Variants in BLM observed in about 807,000 individuals in gnomAD.
BLM encodes recQ-like DNA helicase BLM.
In BLM, 95 loss-of-function variants were observed where a neutral mutation model predicts 135.3. The observed-to-expected ratio is 0.70, with a 90% confidence interval of 0.59 to 0.83. The LOEUF (loss-of-function observed/expected upper bound fraction) is 0.83, where lower values mean the gene tolerates loss of function less well. Ranked by LOEUF, BLM falls within the 40% of genes least tolerant of loss-of-function variation. The pLI is 0.00. For missense variants in BLM, 1,518 were observed against 1,663.9 expected (o/e 0.91, Z 1.53); for synonymous variants, 520 against 589.2 (o/e 0.88, Z 1.70).
At chr15:90,794,495 T>A in intron 16 of BLM, 138 bp downstream of exon 16, 1 of 643,240 alleles carries the variant, frequency 1.6e-6, no homozygotes, top group Admixed American at 3.5e-5. Context: ...AGTAGTAATT[T>A]GGAATGGAAA....
intron 1 of BLM, among the ~76,000 whole-genome samples, chr15:90,725,862 C>T (rs1236024676): frequency 6.6e-6 from 1 of 151,818 alleles, no homozygotes; most frequent in Non-Finnish European, 1.5e-5. Flanking sequence ...GTTTTATGTA[C>T]ATATAAACAT....
rs1897538950 is a variant in BLM at position 90,815,472 on chromosome 15, G to C, written c.*193G>C. 3 of 647,354 alleles carry C rather than the reference G, an allele frequency of 4.6e-6. No homozygotes were observed. Among genetic ancestry groups the C allele is most frequent in the Non-Finnish European group, 7.6e-6 (3 of 392,778 alleles). The allele number at this position is 647,354 out of a possible 1,614,324, so 40.1% of individuals were successfully genotyped here. On this transcript the variant is annotated 3_prime_UTR_variant, in exon 22 of 22. Coordinates refer to ENST00000355112, the MANE Select transcript of BLM (RefSeq NM_000057.4). This position sits in a 1 kb window ranked among gnomAD's most constrained non-coding sequence, Gnocchi z 4.6. ...TTCTTTTGAATAAGCATGTTTTGCT[G>C]CCGCTGCAAGTGTTGTGGCCGTTGT...
chr15:90,739,728 G>C (rs1389311708), intron 1 of BLM, among the ~76,000 whole-genome samples: 1 of 152,080 alleles, frequency 6.6e-6, no homozygotes, highest in Non-Finnish European at 1.5e-5. Flanking sequence ...TCTATTTCTT[G>C]TGGCATTTTA....
rs1896886266 is a variant in BLM, at chr15:90,790,773, A to T, written c.2948A>T (p.Asp983Val). ...CAAGAATCTGGCAGAGCTGGAAGAG[A>T]TGGGGAAATATCTCACTGCCTGCTT... ...YYQESGRAGR[D>V]GEISHCLLFY... Residue 983 changes from aspartate to valine, a missense_variant, in exon 15 of 22, where the codon GAT becomes GTT. By Grantham distance (152) the Asp-to-Val change is radical. Around this residue, in one of 5 missense-constraint regions of BLM, gnomAD observed 626 missense variants for 681.1 expected, o/e 0.92. Transcript: ENST00000355112. The T allele has an allele frequency of 2.5e-6, 4 of 1,614,126 alleles. No homozygotes were observed. Among genetic ancestry groups the T allele is most frequent in the Non-Finnish European group, 3.4e-6 (4 of 1,180,018 alleles).
intron 10 of BLM, among the ~76,000 whole-genome samples, chr15:90,767,226 T>G (rs1029546426): frequency 1.3e-4 from 20 of 152,232 alleles, no homozygotes; most frequent in African/African-American, 4.6e-4. Context: ...GATTGAAAAT[T>G]GCAGACATGG....
At chr15:90,721,791 C>T (rs1413686352) in intron 1 of BLM, among the ~76,000 whole-genome samples, 1 of 151,722 alleles carries the variant, frequency 6.6e-6, no homozygotes, top group Non-Finnish European at 1.5e-5. Flanking sequence ...ATCAGCTGAG[C>T]ATGGTGGCAC....
intron 1 of BLM, among the ~76,000 whole-genome samples, chr15:90,745,731 A>C (rs1391378743): frequency 6.6e-6 from 1 of 152,180 alleles, no homozygotes; most frequent in Non-Finnish European, 1.5e-5. Flanking sequence ...ACTGTATAGT[A>C]GTGAAGTATG....
At chr15:90,778,606 G>A (rs544189232) in intron 12 of BLM, among the ~76,000 whole-genome samples, 4 of 152,214 alleles carry the variant, frequency 2.6e-5, no homozygotes, top group East Asian at 3.9e-4. Context: ...TGGGTATCTC[G>A]TGTAAATAGA....
At chr15:90,813,408 G>T (rs1054831192) in intron 21 of BLM, among the ~76,000 whole-genome samples, 2 of 152,112 alleles carry the variant, frequency 1.3e-5, no homozygotes, top group African/African-American at 4.8e-5. Flanking sequence ...TGTTGTTGTT[G>T]TCGTTATGGA....
chr15:90,770,461 C>G (rs1319175265), intron 12 of BLM, among the ~76,000 whole-genome samples: 7 of 152,222 alleles, frequency 4.6e-5, no homozygotes, highest in African/African-American at 1.7e-4. Context: ...CAGGCGTGAG[C>G]CACCGTGCCC....
chr15:90,811,125 C>A, intron 20 of BLM, 80 bp from the exon 21 acceptor site: 2 of 1,461,534 alleles, frequency 1.4e-6, no homozygotes, highest in Non-Finnish European at 1.9e-6. Flanking sequence ...TGGGCCCCTG[C>A]AGCGTGTCTC....
At chr15:90,812,192 A>G (rs7170872) in intron 21 of BLM, among the ~76,000 whole-genome samples, 98,987 of 151,958 alleles carry the variant, frequency 0.65, 32,525 homozygotes, top group East Asian at 0.81. Flanking sequence ...TCCACCTTGA[A>G]GCACGTGCAC....
chr15:90,787,292 A>G (rs560453174), intron 14 of BLM, among the ~76,000 whole-genome samples: 7 of 151,822 alleles, frequency 4.6e-5, no homozygotes, highest in Non-Finnish European at 8.8e-5. Flanking sequence ...TGACCTCGTG[A>G]TCCGCCCGCC....
At chr15:90,760,483 G>C (rs562294338) in intron 6 of BLM, 111 bp from the exon 7 acceptor site, 15 of 1,326,308 alleles carry the variant, frequency 1.1e-5, no homozygotes, top group Non-Finnish European at 1.6e-5. Context: ...GGAAAAAAGC[G>C]AATATATTTT....
chr15:90,738,139 A>G (rs1895266949), intron 1 of BLM, among the ~76,000 whole-genome samples: 1 of 152,186 alleles, frequency 6.6e-6, no homozygotes, highest in Non-Finnish European at 1.5e-5. Context: ...ACCTATAACT[A>G]GTAAGGAGAT....
intron 1 of BLM, among the ~76,000 whole-genome samples, chr15:90,737,384 G>T (rs1447322002): frequency 6.6e-6 from 1 of 152,164 alleles, no homozygotes; most frequent in Non-Finnish European, 1.5e-5. Context: ...TAGGAGCAAT[G>T]ATATGCAAGT....
chr15:90,793,894 A>G, intron 15 of BLM: 1 of 231,840 alleles, frequency 4.3e-6, no homozygotes, highest in Non-Finnish European at 8.5e-6. Flanking sequence ...TGCTCGACTG[A>G]TAAATACAGC....
intron 17 of BLM, among the ~76,000 whole-genome samples, chr15:90,802,848 T>C (rs1205313665): frequency 6.6e-6 from 1 of 152,116 alleles, no homozygotes; most frequent in Non-Finnish European, 1.5e-5. Flanking sequence ...AATGGATAAA[T>C]ACCTGAGGGA....
At chr15:90,781,092 A>G (rs964889453) in intron 12 of BLM, among the ~76,000 whole-genome samples, 10 of 152,202 alleles carry the variant, frequency 6.6e-5, no homozygotes. Context: ...TCACTGAGGA[A>G]GTGGGCGGGA....
Sources: gnomAD v4.1 joint callset for allele counts (sites outside exome capture counted in the v4.1 genomes callset) on GRCh38, gnomAD v4.1.1 for gene constraint, gnomAD v4.1.1 regional missense constraint, Gnocchi (gnomAD v3.1) non-coding constraint, MANE v1.5 for transcripts, NCBI Gene and HGNC (gene_info 2026-07-23, HGNC 2026-07-21) for gene names.